The following CD8A variants were observed in gnomAD, a reference collection of about 807,000 sequenced individuals.
The protein encoded by CD8A is T-cell surface glycoprotein CD8 alpha chain.
CD8A carries 25 observed loss-of-function variants against 24.2 expected under a neutral mutation model. That is an observed-to-expected ratio of 1.03 (90% CI 0.75 to 1.44). The LOEUF (loss-of-function observed/expected upper bound fraction) is 1.44, where lower values mean the gene tolerates loss of function less well. CD8A is among the 40% of genes most tolerant of loss of function. The pLI, the probability that CD8A is intolerant of heterozygous loss-of-function variation, is 0.00. For synonymous variants in CD8A, 165 were observed against 149.9 expected (o/e 1.10, Z -0.74); for missense variants, 360 against 319.7 (o/e 1.13, Z -0.96).
At chr2:86,791,595 G>A (rs912558230), upstream of CD8A, 1 of 454,046 alleles carries the variant, frequency 2.2e-6, no homozygotes, top group African/African-American at 2.0e-5. Flanking sequence ...CAGCCACGTT[G>A]TTATAAAAAT....
upstream of CD8A, among the ~76,000 whole-genome samples, chr2:86,794,807 C>G (rs1673427775): frequency 6.6e-6 from 1 of 152,160 alleles, no homozygotes. Context: ...TTCATAGTCT[C>G]TGTCCTCTTG....
At chr2:86,787,071 T>TCCC (rs1241941428) in intron 5 of CD8A, among the ~76,000 whole-genome samples, 90 of 107,564 alleles carry the variant, frequency 8.4e-4, no homozygotes, top group African/African-American at 2.6e-3. Flanking sequence ...GCTAAAAACT[T>TCCC]CCCCCCCCAC....
chr2:86,790,429 G>A lies in CD8A; in HGVS notation c.302C>T (p.Thr101Ile), dbSNP rs749203683. The change falls in exon 2 of 6, where the codon ACC becomes ATC. Residue 101 changes from threonine (T) to isoleucine (I), a missense_variant. Thr to Ile is a moderately conservative substitution (Grantham distance 89, BLOSUM62 -1). Coordinates refer to ENST00000283635, the MANE Select transcript of CD8A (RefSeq NM_001768.7). ...GTTCTCTCGGCGGAAGTCGCTCAGG[G>A]TGAGGACGAAGGTGTCCCCCAACCT... The part of the protein sequence containing the change: ...GKRLGDTFVL[T>I]LSDFRRENEG... The A allele has an allele frequency of 6.2e-7, 1 of 1,614,028 alleles. No individual in the cohort carries two copies. Among genetic ancestry groups the A allele is most frequent in the African/African-American group, 1.3e-5 (1 of 74,942 alleles).
intron 3 of CD8A, among the ~76,000 whole-genome samples, chr2:86,797,063 G>C (rs1013961564): frequency 6.6e-6 from 1 of 152,204 alleles, no homozygotes; most frequent in Non-Finnish European, 1.5e-5. Context: ...TTGGCTTTCT[G>C]TGAGGTGAGC....
chr2:86,789,499 C>G (rs1673172967), intron 3 of CD8A, 66 bp from the exon 4 acceptor site: 8 of 1,404,204 alleles, frequency 5.7e-6, no homozygotes, highest in South Asian at 1.1e-5. Flanking sequence ...CCCACCGTCC[C>G]GGGAACGTCT....
intron 5 of CD8A, among the ~76,000 whole-genome samples, chr2:86,787,226 G>A (rs191214905): frequency 1.5e-3 from 221 of 151,352 alleles, no homozygotes; most frequent in African/African-American, 5.1e-3. Flanking sequence ...CGGATTATAG[G>A]CATGCACCAC....
intron 2 of CD8A, among the ~76,000 whole-genome samples, chr2:86,790,119 G>A (rs544560885): frequency 3.6e-4 from 55 of 152,346 alleles, no homozygotes; most frequent in African/African-American, 1.3e-3. Flanking sequence ...ATCCGAACTC[G>A]AGTCCAGATC....
chr2:86,786,625 T>G (rs945073891), intron 5 of CD8A, among the ~76,000 whole-genome samples: 3 of 152,288 alleles, frequency 2.0e-5, no homozygotes, highest in Non-Finnish European at 4.4e-5. Context: ...AAGGCAGAAC[T>G]TTATTCTCAG....
chr2:86,790,304 G>A (rs761070645), intron 2 of CD8A, 24 bp downstream of exon 2: 3 of 1,551,790 alleles, frequency 1.9e-6, no homozygotes, highest in East Asian at 2.2e-5. Context: ...CACGCGGAGA[G>A]GTGCCGCAAC....
At chr2:86,792,100 C>A (rs1673331066), upstream of CD8A, among the ~76,000 whole-genome samples, 1 of 152,140 alleles carries the variant, frequency 6.6e-6, no homozygotes, top group African/African-American at 2.4e-5. Context: ...CTTGGGACTC[C>A]TGAGCTCCAG....
intron 5 of CD8A, among the ~76,000 whole-genome samples, chr2:86,787,359 C>T (rs114345591): frequency 0.018 from 2,689 of 151,964 alleles, 45 homozygotes; most frequent in Non-Finnish European, 0.026. Context: ...ACTTGGATTC[C>T]CTCAGAAAAA....
At chr2:86,793,426 G>A (rs1403318290), upstream of CD8A, among the ~76,000 whole-genome samples, 1 of 152,242 alleles carries the variant, frequency 6.6e-6, no homozygotes, top group Non-Finnish European at 1.5e-5. Context: ...GCATGTGTGT[G>A]TGTGTGTGCA....
chr2:86,789,241 C>G (rs976972606), intron 4 of CD8A, 82 bp downstream of exon 4: 1 of 928,904 alleles, frequency 1.1e-6, no homozygotes, highest in Non-Finnish European at 1.8e-6. Context: ...AAGCTCCCCC[C>G]TCGCAAGGTC....
At chr2:86,786,753 G>T (rs1416338931) in intron 5 of CD8A, among the ~76,000 whole-genome samples, 2 of 152,134 alleles carry the variant, frequency 1.3e-5, no homozygotes, top group African/African-American at 2.4e-5. Context: ...GGGTGCGGTA[G>T]CTCACGCCTA....
intron 2 of CD8A, among the ~76,000 whole-genome samples, chr2:86,802,455 A>G (rs1007405060): frequency 2.0e-5 from 3 of 152,224 alleles, no homozygotes; most frequent in Admixed American, 2.0e-4. Flanking sequence ...TTTAATATTT[A>G]GAAACTTATG....
chr2:86,790,230 T>C (rs1673217640), intron 2 of CD8A, 98 bp downstream of exon 2: 1 of 887,214 alleles, frequency 1.1e-6, no homozygotes, highest in Non-Finnish European at 1.9e-6. Flanking sequence ...CGCTTCCAGG[T>C]GCGCTAAGAG....
At chr2:86,806,806 CT>C (rs1442826567) in intron 2 of CD8A, among the ~76,000 whole-genome samples, 2 of 152,150 alleles carry the variant, frequency 1.3e-5, no homozygotes, top group African/African-American at 4.8e-5. Context: ...GAGTGAAAAG[CT>C]TTATGGTGGA....
At chr2:86,801,153 A>G (rs189860428) in intron 3 of CD8A, among the ~76,000 whole-genome samples, 2 of 152,166 alleles carry the variant, frequency 1.3e-5, no homozygotes, top group Non-Finnish European at 2.9e-5. Flanking sequence ...TGAGGCAATA[A>G]ATTTCTTTTG....
intron 2 of CD8A, among the ~76,000 whole-genome samples, chr2:86,804,561 T>C (rs1267620617): frequency 6.6e-6 from 1 of 152,160 alleles, no homozygotes; most frequent in African/African-American, 2.4e-5. Context: ...TACACTTAAA[T>C]GTTAAAATGG....
Sources: gnomAD v4.1 joint callset for allele counts (sites outside exome capture counted in the v4.1 genomes callset) on GRCh38, gnomAD v4.1.1 for gene constraint, MANE v1.5 for transcripts, NCBI Gene and HGNC (gene_info 2026-07-23, HGNC 2026-07-21) for gene names.